The following CCSER1 variants were observed in gnomAD, a reference collection of about 807,000 sequenced individuals.
The protein encoded by CCSER1 is coiled-coil serine rich protein 1, also known as serine-rich coiled-coil domain-containing protein 1.
CCSER1 carries 41 observed loss-of-function variants against 82.0 expected under a neutral mutation model. That is an observed-to-expected ratio of 0.50 (90% CI 0.39 to 0.65). CCSER1 has a LOEUF of 0.65. Ranked by LOEUF, CCSER1 falls within the 30% of genes least tolerant of loss-of-function variation. The pLI is 0.00. For synonymous variants in CCSER1, 414 were observed against 383.9 expected (o/e 1.08, Z -0.92); for missense variants, 1,119 against 1,064.2 (o/e 1.05, Z -0.72).
intron 10 of CCSER1, among the ~76,000 whole-genome samples, chr4:91,436,931 G>T (rs1754692305): frequency 1.3e-5 from 2 of 152,178 alleles, no homozygotes; most frequent in East Asian, 1.9e-4. Context: ...AATGTCCTTG[G>T]TGCCTAGGGA....
At chr4:90,841,532 C>T (rs1038510135) in intron 8 of CCSER1, among the ~76,000 whole-genome samples, 10 of 146,728 alleles carry the variant, frequency 6.8e-5, no homozygotes, top group East Asian at 2.0e-4. Context: ...GAGCCGAGAT[C>T]GCTCCACTGT....
chr4:90,893,475 A>G (rs1183096880), intron 8 of CCSER1, among the ~76,000 whole-genome samples: 3 of 152,082 alleles, frequency 2.0e-5, no homozygotes, highest in African/African-American at 7.2e-5. Context: ...GAAGATAGGC[A>G]TTGATTGTCC....
At chr4:90,749,386 C>T (rs1748158735) in intron 7 of CCSER1, among the ~76,000 whole-genome samples, 1 of 151,528 alleles carries the variant, frequency 6.6e-6, no homozygotes, top group African/African-American at 2.4e-5. Flanking sequence ...TGTTCTGTTC[C>T]ATTGATCTAT....
Position 90,299,755 on chromosome 4 carries a change from A to G in CCSER1, c.-41-8489A>G, listed in dbSNP as rs866188608. On this transcript the variant is annotated intron_variant, in intron 1 of 10. Coordinates refer to ENST00000509176, the MANE Select transcript of CCSER1 (RefSeq NM_001145065.2). ...GAGATGTAGATAGCATGGTCTTTCT[A>G]GTAGAAAGAGCCTGGACTGCAAGAA... Among the ~76,000 whole-genome samples, 33 of 152,244 alleles carry G rather than the reference A, an allele frequency of 2.2e-4. 1 individual carries two copies. The highest frequency in any genetic ancestry group is 3.7e-4 in the Non-Finnish European group (25 of 68,006).
Position 91,011,334 on chromosome 4 carries a change from G to T in CCSER1, c.2173-74616G>T, listed in dbSNP as rs1397044843. Among the ~76,000 whole-genome samples, 2 of 134,092 alleles carry T rather than the reference G, an allele frequency of 1.5e-5. 1 individual carries two copies. Among genetic ancestry groups the T allele is most frequent in the East Asian group, 4.8e-4 (2 of 4,136 alleles). 88.0% of individuals were successfully genotyped at this position (134,092 alleles called of 152,430 possible). On this transcript the variant is annotated intron_variant, in intron 9 of 10. Transcript: ENST00000509176. ...CTTCAAAATAGGGATACTTAGCTTAGGGGACCTCTCTTGGTGCTGGATCTG... is the reference window on the plus strand; with the variant it reads ...CTTCAAAATAGGGATACTTAGCTTATGGGACCTCTCTTGGTGCTGGATCTG...
At chr4:90,242,193 G>A (rs1439128218) in intron 1 of CCSER1, among the ~76,000 whole-genome samples, 2 of 152,224 alleles carry the variant, frequency 1.3e-5, no homozygotes, top group Non-Finnish European at 2.9e-5. Context: ...TGTAATCCCA[G>A]TTACTTGGGA....
intron 10 of CCSER1, among the ~76,000 whole-genome samples, chr4:91,113,350 C>G (rs948140200): frequency 1.7e-4 from 26 of 152,244 alleles, no homozygotes; most frequent in African/African-American, 6.3e-4. Flanking sequence ...ATTTCTCAAT[C>G]AAGAACAACT....
At chr4:90,441,796 G>T (rs1397441797) in intron 4 of CCSER1, among the ~76,000 whole-genome samples, 1 of 152,172 alleles carries the variant, frequency 6.6e-6, no homozygotes, top group African/African-American at 2.4e-5. Flanking sequence ...GAAAACACAA[G>T]AAATAACTAA....
At chr4:91,028,735 G>C (rs1177303286) in intron 9 of CCSER1, among the ~76,000 whole-genome samples, 1 of 151,700 alleles carries the variant, frequency 6.6e-6, no homozygotes, top group African/African-American at 2.4e-5. Context: ...AATGCTCGAA[G>C]CCCTAAACCT....
intron 10 of CCSER1, among the ~76,000 whole-genome samples, chr4:91,193,747 C>T (rs1452437309): frequency 1.3e-5 from 2 of 151,992 alleles, no homozygotes; most frequent in African/African-American, 4.8e-5. Context: ...TGTCCTGACT[C>T]TTATATGGAC....
intron 8 of CCSER1, among the ~76,000 whole-genome samples, chr4:90,884,334 C>T (rs1486255753): frequency 6.6e-6 from 1 of 152,064 alleles, no homozygotes; most frequent in African/African-American, 2.4e-5. Context: ...AAAGTAGCCC[C>T]ATTTAGGGGC....
intron 10 of CCSER1, among the ~76,000 whole-genome samples, chr4:91,274,330 C>A (rs1282502890): frequency 6.6e-6 from 1 of 152,220 alleles, no homozygotes; most frequent in Admixed American, 6.5e-5. Context: ...TGTGTCAGAA[C>A]ATTTCCAGTC....
At chr4:90,913,444 G>C (rs371494160) in intron 8 of CCSER1, among the ~76,000 whole-genome samples, 43 of 152,278 alleles carry the variant, frequency 2.8e-4, no homozygotes, top group Middle Eastern at 3.4e-3. Flanking sequence ...CAAATGCTGA[G>C]AGATTTTGTC....
At chr4:90,260,343 T>G (rs1443956146) in intron 1 of CCSER1, among the ~76,000 whole-genome samples, 2 of 152,168 alleles carry the variant, frequency 1.3e-5, no homozygotes, top group Non-Finnish European at 2.9e-5. Flanking sequence ...ATCTGTCTAG[T>G]GTTCTGTGGA....
chr4:91,464,931 T>A (rs1418039345), intron 10 of CCSER1, among the ~76,000 whole-genome samples: 2 of 152,110 alleles, frequency 1.3e-5, no homozygotes, highest in Non-Finnish European at 2.9e-5. Flanking sequence ...CCACTGTCAG[T>A]ATTAGACAGA....
At chr4:91,352,778 A>C (rs191103081) in intron 10 of CCSER1, among the ~76,000 whole-genome samples, 2 of 152,342 alleles carry the variant, frequency 1.3e-5, no homozygotes, top group Admixed American at 1.3e-4. Flanking sequence ...CTAACAAAAT[A>C]TATTAAGAAT....
intron 10 of CCSER1, among the ~76,000 whole-genome samples, chr4:91,218,296 A>G (rs1737451837): frequency 6.6e-6 from 1 of 151,960 alleles, no homozygotes; most frequent in African/African-American, 2.4e-5. Context: ...CCCACCCGGA[A>G]CTCCAGCTGG....
chr4:90,881,542 C>T lies in CCSER1; in HGVS notation c.2095-41828C>T, dbSNP rs1398914256. 2.0e-5 allele frequency among the ~76,000 whole-genome samples: 3 copies of T among 152,014 alleles called. No individual in the cohort carries two copies. In the East Asian group the frequency reaches 5.8e-4, roughly 29 times the overall value. On this transcript the variant is annotated intron_variant, in intron 8 of 10. Transcript: ENST00000509176. ...ATCCCAGCACTTTAGGAGGCCAAGGCGGGTGGACTGTCTGAGCTCAGGAGT... is the reference window on the plus strand; with the variant it reads ...ATCCCAGCACTTTAGGAGGCCAAGGTGGGTGGACTGTCTGAGCTCAGGAGT...
chr4:90,232,980 G>C (rs1460467253), intron 1 of CCSER1, among the ~76,000 whole-genome samples: 3 of 151,102 alleles, frequency 2.0e-5, no homozygotes, highest in Non-Finnish European at 4.5e-5. Flanking sequence ...AACAACAGGT[G>C]CTGGAGAGGA....
Sources: gnomAD v4.1 joint callset for allele counts (sites outside exome capture counted in the v4.1 genomes callset) on GRCh38, gnomAD v4.1.1 for gene constraint, MANE v1.5 for transcripts, NCBI Gene and HGNC (gene_info 2026-07-23, HGNC 2026-07-21) for gene names.